Variants in TMCO4 observed in about 807,000 individuals in gnomAD.
TMCO4 encodes the protein transmembrane and coiled-coil domain-containing protein 4.
TMCO4 carries 58 observed loss-of-function variants against 64.7 expected under a neutral mutation model. The ratio of observed to expected loss-of-function variants is 0.90; its 90% CI spans 0.73 to 1.12. The LOEUF (loss-of-function observed/expected upper bound fraction) is 1.12, where lower values mean the gene tolerates loss of function less well. Among genes scored for constraint, TMCO4 ranks in the 50% most tolerant of loss-of-function variants. TMCO4 has a pLI of 0.00. For missense variants in TMCO4, 780 were observed against 825.9 expected, an observed-to-expected ratio of 0.94 and a Z score of 0.68; for synonymous variants, 325 against 346.1, an observed-to-expected ratio of 0.94 and a Z score of 0.68.
intron 6 of TMCO4, among the ~76,000 whole-genome samples, chr1:19,757,523 T>C (rs2042320214): frequency 6.6e-6 from 1 of 152,176 alleles, no homozygotes; most frequent in African/African-American, 2.4e-5. Flanking sequence ...TTTTGCCATG[T>C]AGGGTAACAT....
At chr1:19,721,568 C>T (rs1260517722) in intron 13 of TMCO4, among the ~76,000 whole-genome samples, 3 of 152,092 alleles carry the variant, frequency 2.0e-5, no homozygotes, top group African/African-American at 2.4e-5. Flanking sequence ...GTGAGTGGAT[C>T]GCTCAAGCTC....
intron 7 of TMCO4, among the ~76,000 whole-genome samples, chr1:19,755,081 A>C (rs2042184838): frequency 6.6e-6 from 1 of 152,124 alleles, no homozygotes; most frequent in Admixed American, 6.5e-5. Flanking sequence ...CAGGATGTTA[A>C]AGTCACAGAT....
chr1:19,695,398 G>A (rs376892016), intron 14 of TMCO4, among the ~76,000 whole-genome samples: 3 of 152,178 alleles, frequency 2.0e-5, no homozygotes, highest in East Asian at 1.9e-4. Flanking sequence ...CCATGCCCTC[G>A]GGCCTTGCCG....
intron 4 of TMCO4, among the ~76,000 whole-genome samples, chr1:19,776,056 T>C (rs1015481140): frequency 1.3e-5 from 2 of 152,130 alleles, no homozygotes; most frequent in South Asian, 2.1e-4. Flanking sequence ...TACAGGCATA[T>C]ACCACCACAT....
At chr1:19,791,980 GTGAA>G (rs1557633693) in intron 2 of TMCO4, among the ~76,000 whole-genome samples, 2 of 152,166 alleles carry the variant, frequency 1.3e-5, no homozygotes, top group Admixed American at 6.5e-5. Flanking sequence ...TCTCGTGAGA[GTGAA>G]TAAGTCTCAG....
chr1:19,686,955 AT>A (rs60727830), intron 15 of TMCO4, among the ~76,000 whole-genome samples: 41,209 of 148,860 alleles, frequency 0.28, 7,908 homozygotes, highest in African/African-American at 0.56. Context: ...GTTTTTCTTA[AT>A]TTTTTTTTTT....
intron 7 of TMCO4, among the ~76,000 whole-genome samples, chr1:19,753,176 T>G (rs1222785691): frequency 6.6e-6 from 1 of 152,010 alleles, no homozygotes; most frequent in Non-Finnish European, 1.5e-5. Context: ...GTCAGGCTGG[T>G]CTCGAACTCC....
chr1:19,712,619 CA>C (rs35058157), intron 13 of TMCO4, among the ~76,000 whole-genome samples: 182 of 91,560 alleles, frequency 2.0e-3, no homozygotes, highest in Middle Eastern at 5.9e-3. Context: ...GACTCCGTCT[CA>C]AAAAAAAAAA....
At chr1:19,755,482 C>T (rs1359150876) in intron 7 of TMCO4, 152 bp downstream of exon 7, 3 of 1,131,866 alleles carry the variant, frequency 2.7e-6, no homozygotes, top group Non-Finnish European at 3.7e-6. Context: ...GCTAAGGCCA[C>T]ACAGCGAGTC....
intron 13 of TMCO4, among the ~76,000 whole-genome samples, chr1:19,730,698 G>C (rs561564824): frequency 6.6e-6 from 1 of 152,362 alleles, no homozygotes; most frequent in Non-Finnish European, 1.5e-5. Flanking sequence ...CACCCCAAAA[G>C]GGAGTGGAAG....
chr1:19,763,236 T>C (rs1043829121), intron 6 of TMCO4, among the ~76,000 whole-genome samples: 5 of 151,994 alleles, frequency 3.3e-5, no homozygotes, highest in Non-Finnish European at 4.4e-5. Context: ...CCACCATGCC[T>C]GGTAACTTTT....
At chr1:19,783,579 T>C (rs186402298) in intron 3 of TMCO4, among the ~76,000 whole-genome samples, 10 of 152,366 alleles carry the variant, frequency 6.6e-5, no homozygotes, top group Admixed American at 2.6e-4. Context: ...CATAACTGTT[T>C]ACAAAGCATT....
intron 15 of TMCO4, among the ~76,000 whole-genome samples, chr1:19,686,275 G>C (rs2095148891): frequency 6.6e-6 from 1 of 152,086 alleles, no homozygotes; most frequent in African/African-American, 2.4e-5. Flanking sequence ...CAGTCGAGGG[G>C]GCCTGCTTTA....
Position 19,755,638 on chromosome 1 carries a change from A to T in TMCO4, c.511T>A (p.Ser171Thr), listed in dbSNP as rs2042216543. 1.2e-6 allele frequency: 2 copies of T among 1,613,846 alleles called. No homozygotes were observed. The highest frequency in any genetic ancestry group is 2.7e-5 in the African/African-American group (2 of 74,872). The change falls in exon 7 of 16, where the codon TCT becomes ACT. Residue 171 changes from serine (S) to threonine (T), a missense_variant. Coordinates refer to ENST00000294543, the MANE Select transcript of TMCO4 (RefSeq NM_181719.7). ...GGGGTCGCGGGGCTCTCTTACTCAG[A>T]TTCCTCTTCTTTGATTTCCTTCAGG... ...ESLKEIKEEE[S>T]EMAEASRKKK...
intron 13 of TMCO4, among the ~76,000 whole-genome samples, chr1:19,704,482 T>C (rs1038996503): frequency 7.2e-5 from 11 of 152,222 alleles, no homozygotes; most frequent in African/African-American, 2.4e-4. Context: ...GAGCTGCTGG[T>C]CCCTGGGGCC....
chr1:19,754,153 C>T (rs2042143001), intron 7 of TMCO4, among the ~76,000 whole-genome samples: 1 of 152,148 alleles, frequency 6.6e-6, no homozygotes. Flanking sequence ...CTGTATTAGA[C>T]CTTCTGGTTT....
intron 2 of TMCO4, among the ~76,000 whole-genome samples, chr1:19,793,557 T>C (rs1004312492): frequency 6.6e-6 from 1 of 152,202 alleles, no homozygotes; most frequent in Non-Finnish European, 1.5e-5. Context: ...TCTGAAGTCA[T>C]ATTGGAAGCG....
chr1:19,717,427 A>G (rs922133833), intron 13 of TMCO4, among the ~76,000 whole-genome samples: 1 of 152,146 alleles, frequency 6.6e-6, no homozygotes, highest in African/African-American at 2.4e-5. Context: ...TTGCTGGCTG[A>G]TAGATCAATT....
chr1:19,701,096 A>G, intron 13 of TMCO4: 3 of 488,944 alleles, frequency 6.1e-6, no homozygotes, highest in Non-Finnish European at 1.1e-5. Context: ...TGAGTTCCAG[A>G]ACCTGAATCA....
Sources: gnomAD v4.1 joint callset for allele counts (sites outside exome capture counted in the v4.1 genomes callset) on GRCh38, gnomAD v4.1.1 for gene constraint, MANE v1.5 for transcripts, NCBI Gene and HGNC (gene_info 2026-07-23, HGNC 2026-07-21) for gene names.